The following LONP1 variants were observed in gnomAD, a reference collection of about 807,000 sequenced individuals.
LONP1 encodes lon protease homolog, mitochondrial.
Under a neutral mutation model 98.5 loss-of-function variants are expected in LONP1, and 31 were observed. The observed-to-expected ratio is 0.31, with a 90% CI of 0.24 to 0.42. LONP1 has a LOEUF of 0.42. LONP1 is among the 20% of genes least tolerant of loss of function. LONP1 has a pLI of 1.00. For missense variants in LONP1, 1,336 were observed against 1,350.6 expected (o/e 0.99, Z 0.17); for synonymous variants, 781 against 594.7 (o/e 1.31, Z -4.56).
chr19:5,693,842 C>T, intron 15 of LONP1, 73 bp from the exon 16 acceptor site: 3 of 1,260,712 alleles, frequency 2.4e-6, no homozygotes, highest in Admixed American at 3.9e-5. Flanking sequence ...CCCCTCGGGG[C>T]CACTCTGACC....
intron 13 of LONP1, 118 bp downstream of exon 13, chr19:5,695,936 C>G: frequency 1.3e-6 from 1 of 797,426 alleles, no homozygotes; most frequent in South Asian, 1.7e-5. Flanking sequence ...GCTCCTCGGC[C>G]GCAGGTCCCA....
intron 10 of LONP1, among the ~76,000 whole-genome samples, chr19:5,697,687 T>C (rs1485227424): frequency 1.3e-5 from 2 of 151,222 alleles, no homozygotes; most frequent in Non-Finnish European, 3.0e-5. Flanking sequence ...CCTGGAGAGC[T>C]GGGGGCAAAG....
At chr19:5,718,624 G>A (rs1243472724) in intron 1 of LONP1, among the ~76,000 whole-genome samples, 1 of 152,052 alleles carries the variant, frequency 6.6e-6, no homozygotes, top group Non-Finnish European at 1.5e-5. Context: ...TGAGCGCAGA[G>A]GCTGACTCAC....
At position 5,700,695 on chromosome 19, in the gene LONP1, G is replaced by C. The variant is rs189052913; in HGVS notation, c.1506+94C>G. Reference sequence around the variant, plus strand: ...CACCCCCAGGCCTACGAATTCACCAGGGGGCTCCTTTGAAATCTCAACCCA... The same window carrying C: ...CACCCCCAGGCCTACGAATTCACCACGGGGCTCCTTTGAAATCTCAACCCA... On this transcript the variant is annotated intron_variant, in intron 9 of 17. Coordinates refer to ENST00000360614, the MANE Select transcript of LONP1 (RefSeq NM_004793.4). 150 of 1,526,574 alleles carry C rather than the reference G, an allele frequency of 9.8e-5. No homozygotes were observed. In the African/African-American group the frequency reaches 1.9e-3, roughly 20 times the overall value. The allele number at this position is 1,526,574 out of a possible 1,614,324, so 94.6% of individuals were successfully genotyped here.
intron 8 of LONP1, among the ~76,000 whole-genome samples, chr19:5,704,298 G>A (rs1239370564): frequency 6.6e-6 from 1 of 152,220 alleles, no homozygotes; most frequent in East Asian, 1.9e-4. Flanking sequence ...CTCAGGGCTC[G>A]GCATTGTGTA....
At chr19:5,700,986 C>A in intron 8 of LONP1, 59 bp from the exon 9 acceptor site, 3 of 1,599,734 alleles carry the variant, frequency 1.9e-6, no homozygotes, top group Non-Finnish European at 2.6e-6. Flanking sequence ...TGTCTCTCTG[C>A]TGGACTTGGC....
intron 17 of LONP1, among the ~76,000 whole-genome samples, chr19:5,692,537 G>T (rs558972211): frequency 6.6e-6 from 1 of 152,184 alleles, no homozygotes; most frequent in Admixed American, 6.5e-5. Flanking sequence ...GTCAGGCAGT[G>T]TCTGGGGCCT....
chr19:5,707,240 C>T, intron 6 of LONP1, 97 bp from the exon 7 acceptor site: 3 of 918,208 alleles, frequency 3.3e-6, no homozygotes, highest in Non-Finnish European at 5.2e-6. Context: ...AGAGATGCTG[C>T]CGGGAGGACC....
chr19:5,714,859 C>A (rs1188797431), intron 1 of LONP1: 1 of 151,928 alleles, frequency 6.6e-6, no homozygotes, highest in Non-Finnish European at 1.5e-5. Context: ...ACCTCGTGAT[C>A]CACCCACCTC....
rs2054827607 is a variant in LONP1, at chr19:5,691,866, C to G, written c.*166G>C. Reference sequence around the variant, plus strand: ...AATGACTTTAATCATTAAATAGCTTCTATGCCACACTCTGATTAAGCCGAC... The same window carrying G: ...AATGACTTTAATCATTAAATAGCTTGTATGCCACACTCTGATTAAGCCGAC... On this transcript the variant is annotated 3_prime_UTR_variant, in exon 18 of 18. Transcript: ENST00000360614. 1 of 818,888 alleles carries G rather than the reference C, an allele frequency of 1.2e-6. No individual in the cohort carries two copies. Among genetic ancestry groups the G allele is most frequent in the Non-Finnish European group, 1.9e-6 (1 of 531,448 alleles). 50.7% of individuals were successfully genotyped at this position (818,888 alleles called of 1,614,324 possible).
chr19:5,696,254 A>G lies in LONP1; in HGVS notation c.1891T>C (p.Ser631Pro). The G allele has an allele frequency of 6.2e-7, 1 of 1,613,260 alleles. No individual in the cohort carries two copies. The highest frequency in any genetic ancestry group is 8.5e-7 in the Non-Finnish European group (1 of 1,179,864). ...DHYLDVPVDL[S>P]KVLFICTANV... Reference sequence around the variant, plus strand: ...GCCCCAGACAGGCCCCCCACCTTGGACAAGTCCACGGGCACGTCCAGGTAG... The same window carrying G: ...GCCCCAGACAGGCCCCCCACCTTGGGCAAGTCCACGGGCACGTCCAGGTAG... Residue 631 changes from serine (S) to proline (P), a missense_variant, in exon 12 of 18, where the codon TCC becomes CCC. Ser to Pro is a moderately conservative substitution (Grantham distance 74, BLOSUM62 -1). Around this residue, in one of 5 missense-constraint regions of LONP1, gnomAD observed 555 missense variants for 542.6 expected, o/e 1.02. Coordinates refer to ENST00000360614, the MANE Select transcript of LONP1 (RefSeq NM_004793.4).
chr19:5,718,568 C>A (rs1223987468), intron 1 of LONP1, among the ~76,000 whole-genome samples: 1 of 151,898 alleles, frequency 6.6e-6, no homozygotes, highest in Non-Finnish European at 1.5e-5. Context: ...AATGGCCTTT[C>A]CCTTCCCAAC....
At chr19:5,713,287 A>C (rs201572424) in intron 2 of LONP1, 34 bp from the exon 3 acceptor site, 15 of 1,516,416 alleles carry the variant, frequency 9.9e-6, no homozygotes, top group Middle Eastern at 1.8e-4. Context: ...ATGTTGGAAC[A>C]TGGCTTTCAT....
At chr19:5,709,667 T>G (rs1051577831) in intron 4 of LONP1, among the ~76,000 whole-genome samples, 1 of 151,908 alleles carries the variant, frequency 6.6e-6, no homozygotes, top group Non-Finnish European at 1.5e-5. Context: ...CCCAGCACTT[T>G]GGGATGCTAA....
Position 5,720,063 on chromosome 19 carries a change from G to T in LONP1, c.70C>A (p.Leu24Met), listed in dbSNP as rs11551011. 18,310 of 1,521,122 alleles carry T rather than the reference G, an allele frequency of 0.012. 145 individuals are homozygous for T. The highest frequency in any genetic ancestry group is 0.014 in the Non-Finnish European group (16,495 of 1,138,126). The allele number at this position is 1,521,122 out of a possible 1,614,324, so 94.2% of individuals were successfully genotyped here. Residue 24 changes from leucine (L) to methionine (M), a missense_variant, in exon 1 of 18, where the codon CTG becomes ATG. Physicochemically the swap from Leu to Met is conservative, Grantham distance 15. Around this residue, in one of 5 missense-constraint regions of LONP1, gnomAD observed 457 missense variants for 403.1 expected, o/e 1.13. Coordinates refer to ENST00000360614, the MANE Select transcript of LONP1 (RefSeq NM_004793.4). ...ARCWVLRRPM[L>M]AAAGGRVPTA... The stretch of plus-strand genomic sequence containing the variant: ...GGAACCCGCCCCCCGGCGGCGGCCA[G>T]CATCGGCCGCCGCAGCACCCAGCAC...
chr19:5,720,179 G>A, upstream of LONP1: 6 of 1,383,050 alleles, frequency 4.3e-6, no homozygotes, highest in Non-Finnish European at 5.6e-6. Flanking sequence ...ATTTCCGCTC[G>A]CCGCGAAACG....
chr19:5,693,253 G>T, intron 17 of LONP1, 45 bp downstream of exon 17: 1 of 1,573,738 alleles, frequency 6.4e-7, no homozygotes, highest in South Asian at 1.2e-5. Context: ...TCCCGTGGTG[G>T]TGTGGGCCCT....
In LONP1 at chr19:5,696,308, G is replaced by A. The variant is rs535918140; in HGVS notation, c.1837C>T (p.Pro613Ser). The stretch of plus-strand genomic sequence containing the variant: ...TCCAGGAAGTTGGCATTCTGCTCTG[G>A]GTCCAGCAGCTCCAGCAGTGCCGAC... ...PSSALLELLD[P>S]EQNANFLDHY... Residue 613 changes from proline (P) to serine (S), a missense_variant, in exon 12 of 18, where the codon CCA (proline) becomes TCA (serine). Physicochemically the swap from Pro to Ser is moderately conservative, Grantham distance 74. This residue lies in a region of LONP1 where 555 missense variants were observed against 542.6 expected (regional missense o/e 1.02). Transcript: ENST00000360614. 3.8e-5 allele frequency: 61 copies of A among 1,613,414 alleles called. No individual in the cohort carries two copies. The Admixed American group carries it at 9.2e-4, about 24-fold the overall frequency.
intron 14 of LONP1, 86 bp from the exon 15 acceptor site, chr19:5,694,638 C>CGGGCGCGGGGTGAT: frequency 2.0e-6 from 3 of 1,522,928 alleles, no homozygotes; most frequent in South Asian, 2.4e-5. Context: ...AAAGGTGTGA[C>CGGGCGCGGGGTGAT]GGGCGCGGGG....
Sources: gnomAD v4.1 joint callset for allele counts (sites outside exome capture counted in the v4.1 genomes callset) on GRCh38, gnomAD v4.1.1 for gene constraint, gnomAD v4.1.1 regional missense constraint, MANE v1.5 for transcripts, NCBI Gene and HGNC (gene_info 2026-07-23, HGNC 2026-07-21) for gene names.